Variants in ABHD5 observed in about 807,000 individuals in gnomAD.
ABHD5 encodes abhydrolase domain containing 5, lysophosphatidic acid acyltransferase, also known as 1-acylglycerol-3-phosphate O-acyltransferase ABHD5.
A neutral mutation model predicts 44.9 loss-of-function variants in ABHD5; 30 were observed. That is an observed-to-expected ratio of 0.67 (90% CI 0.50 to 0.91). ABHD5 has a LOEUF of 0.91. ABHD5 is among the 40% of genes least tolerant of loss of function. The probability of loss-of-function intolerance (pLI) is 0.00; values close to 1 mark genes in which losing one functional copy is unlikely to be tolerated. For missense variants in ABHD5, 399 were observed against 423.4 expected (o/e 0.94, Z 0.50); for synonymous variants, 167 against 147.0 (o/e 1.14, Z -0.99).
intron 1 of ABHD5, among the ~76,000 whole-genome samples, chr3:43,693,364 C>T (rs1174066369): frequency 1.3e-5 from 2 of 152,186 alleles, no homozygotes; most frequent in Admixed American, 6.5e-5. Context: ...ATTTTTCTCT[C>T]CCCTCCCTGC....
intron 7 of ABHD5, among the ~76,000 whole-genome samples, chr3:43,730,933 A>G (rs1016672440): frequency 6.6e-6 from 1 of 151,992 alleles, no homozygotes; most frequent in Non-Finnish European, 1.5e-5. Context: ...GGTTCAAGCA[A>G]TTCTCCTGCC....
intron 3 of ABHD5, among the ~76,000 whole-genome samples, chr3:43,705,779 CT>C (rs2084610640): frequency 6.6e-6 from 1 of 152,132 alleles, no homozygotes; most frequent in Non-Finnish European, 1.5e-5. Context: ...TATCTCTTGT[CT>C]TTTCTGCAAG....
intron 1 of ABHD5, among the ~76,000 whole-genome samples, chr3:43,696,199 T>TG (rs1189999883): frequency 6.6e-6 from 1 of 152,236 alleles, no homozygotes; most frequent in Non-Finnish European, 1.5e-5. Context: ...TGGTCACTGT[T>TG]GAATTTAGGC....
chr3:43,703,203 A>G (rs1487800695), intron 3 of ABHD5, among the ~76,000 whole-genome samples: 4 of 147,862 alleles, frequency 2.7e-5, no homozygotes, highest in Non-Finnish European at 4.4e-5. Flanking sequence ...TTTAAGAGAT[A>G]GAAGCTCGCT....
intron 3 of ABHD5, among the ~76,000 whole-genome samples, chr3:43,709,065 G>T (rs2084656274): frequency 6.6e-6 from 1 of 152,178 alleles, no homozygotes; most frequent in Non-Finnish European, 1.5e-5. Context: ...AAATCCAGCT[G>T]GATATGCTTA....
chr3:43,698,015 C>G (rs1478957712), intron 1 of ABHD5, among the ~76,000 whole-genome samples: 1 of 152,176 alleles, frequency 6.6e-6, no homozygotes, highest in Non-Finnish European at 1.5e-5. Context: ...GATTGAGTAC[C>G]TGTTATACGT....
intron 6 of ABHD5, 114 bp downstream of exon 6, chr3:43,717,971 C>G: frequency 7.2e-7 from 1 of 1,381,720 alleles, no homozygotes. Context: ...GCCATACCTG[C>G]AGCCTCAGTC....
At chr3:43,732,550 T>C (rs1697257928) in intron 7 of ABHD5, among the ~76,000 whole-genome samples, 1 of 152,192 alleles carries the variant, frequency 6.6e-6, no homozygotes, top group Non-Finnish European at 1.5e-5. Context: ...AAAAGTAAAA[T>C]GCAAGCTTAA....
chr3:43,733,672 GTAAA>G (rs1559425398), intron 7 of ABHD5, among the ~76,000 whole-genome samples: 1 of 152,132 alleles, frequency 6.6e-6, no homozygotes, highest in Non-Finnish European at 1.5e-5. Context: ...CTCTTGAGGA[GTAAA>G]TATAGTACAG....
rs2084743745 is a variant in ABHD5, at chr3:43,715,005, C to T, written c.720C>T (p.Phe240=). 4 of 1,612,578 alleles carry T rather than the reference C, an allele frequency of 2.5e-6. No homozygotes were observed. Among genetic ancestry groups the T allele is most frequent in the African/African-American group, 2.7e-5 (2 of 74,724 alleles). ...TCAAACGAAAGTATTCTTCAATGTT[C>T]GAAGACGATACTGTGACAGAATACA... ...PDFKRKYSSM[F]EDDTVTEYIY... Residue 240 remains phenylalanine (F), a synonymous_variant, in exon 5 of 7, where the codon TTC becomes TTT. Transcript: ENST00000644371.
rs1418399214 is a variant in ABHD5 at position 43,719,874 on chromosome 3, AAAT to A, written c.*1344_*1346del. Reference sequence around the variant, plus strand: ...GTAAATAAAAACAGTGAACTAGAGCAAATAGTGGTTTAATGGTTTTGTTATTGC... The same window carrying A: ...GTAAATAAAAACAGTGAACTAGAGCAAGTGGTTTAATGGTTTTGTTATTGC... On this transcript the variant is annotated 3_prime_UTR_variant, in exon 7 of 7. Transcript: ENST00000644371. 6.8e-6 allele frequency: 1 copy of A among 147,990 alleles called. No homozygotes were observed. The highest frequency in any genetic ancestry group is 1.5e-5 in the Non-Finnish European group (1 of 67,764). The allele number at this position is 147,990 out of a possible 1,614,324, so 9.2% of individuals were successfully genotyped here.
downstream of ABHD5, among the ~76,000 whole-genome samples, chr3:43,724,347 C>T (rs891778463): frequency 3.3e-5 from 5 of 152,058 alleles, no homozygotes; most frequent in Admixed American, 3.3e-4. Flanking sequence ...AATAGGAACT[C>T]TCATATACTG....
At chr3:43,694,068 G>GAGGCCGAGGC (rs879539302) in intron 1 of ABHD5, among the ~76,000 whole-genome samples, 7 of 149,826 alleles carry the variant, frequency 4.7e-5, no homozygotes, top group South Asian at 4.4e-4. Flanking sequence ...AGCACTTTGG[G>GAGGCCGAGGC]GTAACACCGT....
At chr3:43,707,938 GT>G (rs2084642667) in intron 3 of ABHD5, among the ~76,000 whole-genome samples, 1 of 152,090 alleles carries the variant, frequency 6.6e-6, no homozygotes, top group Non-Finnish European at 1.5e-5. Context: ...CCTGATTATT[GT>G]TCTTGTTGCA....
chr3:43,700,592 G>A (rs551674888), intron 2 of ABHD5, among the ~76,000 whole-genome samples: 5 of 126,558 alleles, frequency 4.0e-5, no homozygotes, highest in East Asian at 4.5e-4. Flanking sequence ...TTTTTTTTTT[G>A]AGATGGAGCC....
downstream of ABHD5, among the ~76,000 whole-genome samples, chr3:43,724,368 G>A (rs904645558): frequency 3.9e-5 from 6 of 152,128 alleles, no homozygotes; most frequent in Non-Finnish European, 7.4e-5. Flanking sequence ...TCGGTGGGCT[G>A]TAATAGGTGC....
intron 7 of ABHD5, among the ~76,000 whole-genome samples, chr3:43,728,356 A>G (rs2084891389): frequency 6.6e-6 from 1 of 152,234 alleles, no homozygotes; most frequent in Non-Finnish European, 1.5e-5. Flanking sequence ...CCAGGGCACC[A>G]ACTATGGGAT....
downstream of ABHD5, among the ~76,000 whole-genome samples, chr3:43,725,961 G>C (rs1302946524): frequency 6.6e-6 from 1 of 151,966 alleles, no homozygotes; most frequent in Non-Finnish European, 1.5e-5. Flanking sequence ...CGCCTCCTGG[G>C]TTCATGCCAT....
intron 6 of ABHD5, 146 bp downstream of exon 6, chr3:43,718,003 A>C: frequency 2.0e-6 from 2 of 1,020,610 alleles, no homozygotes; most frequent in Admixed American, 2.0e-5. Context: ...ACCACCTGTG[A>C]TGGGTGCAGG....
Sources: gnomAD v4.1 joint callset for allele counts (sites outside exome capture counted in the v4.1 genomes callset) on GRCh38, gnomAD v4.1.1 for gene constraint, MANE v1.5 for transcripts, NCBI Gene and HGNC (gene_info 2026-07-23, HGNC 2026-07-21) for gene names.